FAM168A: variants seen among roughly 807,000 people sequenced by gnomAD.
FAM168A encodes the protein protein FAM168A.
FAM168A carries 3 observed loss-of-function variants against 28.5 expected under a neutral mutation model. The observed-to-expected ratio is 0.11, with a 90% CI of 0.05 to 0.27. FAM168A has a LOEUF of 0.27. Ranked by LOEUF, FAM168A falls within the 10% of genes least tolerant of loss-of-function variation. The pLI is 1.00. For missense variants in FAM168A, 222 were observed against 311.5 expected, an observed-to-expected ratio of 0.71 and a Z score of 2.16; for synonymous variants, 122 against 124.2, an observed-to-expected ratio of 0.98 and a Z score of 0.12.
intron 1 of FAM168A, among the ~76,000 whole-genome samples, chr11:73,544,993 AGT>A (rs1943721400): frequency 1.3e-5 from 1 of 77,892 alleles, no homozygotes; most frequent in Non-Finnish European, 2.2e-5. Flanking sequence ...TTTTATATAT[AGT>A]ATATATAATA....
intron 1 of FAM168A, among the ~76,000 whole-genome samples, chr11:73,587,152 TAAAAAAAAAAA>T (rs1158411875): frequency 0.016 from 1,314 of 81,392 alleles, 33 homozygotes; most frequent in African/African-American, 0.063. Context: ...ATGGACATGT[TAAAAAAAAAAA>T]AAAAAAAAAA....
rs1314511701 is a variant in FAM168A at position 73,530,076 on chromosome 11, C to G, written c.-18-61584G>C. Among the ~76,000 whole-genome samples, 4 of 152,174 alleles carry G rather than the reference C, an allele frequency of 2.6e-5. No homozygotes were observed. In the East Asian group the frequency reaches 7.7e-4, roughly 29 times the overall value. ...TGCCAGGATTACAGGCATGAGCCAC[C>G]ACACCTGGCCCAAACAGTAATTAAT... On this transcript the variant is annotated intron_variant, in intron 1 of 7. Coordinates refer to ENST00000356467, the MANE Select transcript of FAM168A (RefSeq NM_015159.3).
chr11:73,572,106 G>A (rs373528650), intron 1 of FAM168A, among the ~76,000 whole-genome samples: 2 of 151,196 alleles, frequency 1.3e-5, no homozygotes, highest in African/African-American at 2.4e-5. Flanking sequence ...CAGCCACCCC[G>A]TCTGGGAAGT....
At chr11:73,496,230 C>A (rs1346570446) in intron 1 of FAM168A, among the ~76,000 whole-genome samples, 1 of 152,172 alleles carries the variant, frequency 6.6e-6, no homozygotes, top group Non-Finnish European at 1.5e-5. Flanking sequence ...ACGACAAATA[C>A]TGCATGATTC....
chr11:73,434,773 T>C (rs1368103933), intron 2 of FAM168A, among the ~76,000 whole-genome samples: 1 of 152,236 alleles, frequency 6.6e-6, no homozygotes, highest in African/African-American at 2.4e-5. Flanking sequence ...AGGGTCACTC[T>C]GATTGATGTG....
chr11:73,492,582 G>A (rs892455264), intron 1 of FAM168A, among the ~76,000 whole-genome samples: 1 of 152,106 alleles, frequency 6.6e-6, no homozygotes, highest in Non-Finnish European at 1.5e-5. Context: ...TCAAGGCTGC[G>A]GTAAGCCGAG....
chr11:73,522,746 C>T (rs1344992028), intron 1 of FAM168A, among the ~76,000 whole-genome samples: 3 of 151,744 alleles, frequency 2.0e-5, no homozygotes, highest in African/African-American at 2.4e-5. Context: ...GGCATGGTGG[C>T]TCACGCCTGT....
intron 1 of FAM168A, among the ~76,000 whole-genome samples, chr11:73,485,059 T>C (rs1236019957): frequency 2.0e-5 from 3 of 152,138 alleles, no homozygotes; most frequent in South Asian, 4.1e-4. Flanking sequence ...TGGCAACATC[T>C]TCACAGACAT....
At chr11:73,436,956 T>C (rs1193299927) in intron 2 of FAM168A, among the ~76,000 whole-genome samples, 2 of 152,190 alleles carry the variant, frequency 1.3e-5, no homozygotes, top group African/African-American at 4.8e-5. Context: ...GGAAAGGTCA[T>C]GGTTGTGTTA....
intron 1 of FAM168A, among the ~76,000 whole-genome samples, chr11:73,493,198 G>GA (rs1423727992): frequency 3.3e-5 from 5 of 150,012 alleles, no homozygotes; most frequent in South Asian, 2.1e-4. Context: ...ATCACAAAGT[G>GA]AAAAAAAAAG....
chr11:73,490,370 T>C (rs1008482159), intron 1 of FAM168A, among the ~76,000 whole-genome samples: 6 of 152,178 alleles, frequency 3.9e-5, no homozygotes, highest in Non-Finnish European at 8.8e-5. Flanking sequence ...AAAACATAAG[T>C]TAAATCAGGT....
chr11:73,453,257 C>A (rs1670416623), intron 2 of FAM168A, among the ~76,000 whole-genome samples: 1 of 152,214 alleles, frequency 6.6e-6, no homozygotes, highest in African/African-American at 2.4e-5. Flanking sequence ...AACCCATCCA[C>A]TAGAGGAACA....
At chr11:73,458,767 C>T (rs910396991) in intron 2 of FAM168A, among the ~76,000 whole-genome samples, 6 of 152,136 alleles carry the variant, frequency 3.9e-5, no homozygotes, top group Middle Eastern at 6.8e-3. Flanking sequence ...CCTGCTACCA[C>T]GCCCGGCTAA....
chr11:73,470,730 T>C (rs1867802591), intron 1 of FAM168A, among the ~76,000 whole-genome samples: 1 of 152,292 alleles, frequency 6.6e-6, no homozygotes, highest in Admixed American at 6.5e-5. Context: ...AGCCAATACA[T>C]TTCCATTCAT....
At chr11:73,494,713 T>G (rs954828106) in intron 1 of FAM168A, among the ~76,000 whole-genome samples, 3 of 152,092 alleles carry the variant, frequency 2.0e-5, no homozygotes, top group African/African-American at 7.2e-5. Flanking sequence ...GAAAAGGAAG[T>G]ACACTTTTAG....
chr11:73,489,587 T>C (rs1358038722), intron 1 of FAM168A, among the ~76,000 whole-genome samples: 1 of 150,688 alleles, frequency 6.6e-6, no homozygotes, highest in East Asian at 2.0e-4. Flanking sequence ...CACGGCTCAC[T>C]GTATCCTCAA....
In FAM168A at chr11:73,544,550, CAAAT is replaced by C. The variant is rs1349194151; in HGVS notation, c.-19+53369_-19+53372del. Among the ~76,000 whole-genome samples the C allele has an allele frequency of 2.0e-5, 3 of 149,868 alleles. No individual in the cohort carries two copies. In the East Asian group the frequency reaches 5.8e-4, roughly 29 times the overall value. On this transcript the variant is annotated intron_variant, in intron 1 of 7. Coordinates refer to ENST00000356467, the MANE Select transcript of FAM168A (RefSeq NM_015159.3). ...ATCCAAATGTCCATCAACTGATAAA[CAAAT>C]AAAAGGTGGCATATACATATGATGA... is the stretch of plus-strand genomic sequence containing the variant.
In FAM168A at chr11:73,402,282, C is replaced by T. The variant is rs1460425270; in HGVS notation, c.*4481G>A. 6.6e-6 allele frequency: 1 copy of T among 152,234 alleles called. No homozygotes were observed. Among genetic ancestry groups the T allele is most frequent in the African/African-American group, 2.4e-5 (1 of 41,462 alleles). The allele number at this position is 152,234 out of a possible 1,614,324, so 9.4% of individuals were successfully genotyped here. ...TCACAGGGCCCAGAATGGGGCCCACCCCCTCTGGGCACAGAACAAAGCTGA... is the reference window on the plus strand; with the variant it reads ...TCACAGGGCCCAGAATGGGGCCCACTCCCTCTGGGCACAGAACAAAGCTGA... On this transcript the variant is annotated 3_prime_UTR_variant, in exon 8 of 8. Transcript: ENST00000356467.
chr11:73,473,712 C>A (rs905960526), intron 1 of FAM168A, among the ~76,000 whole-genome samples: 2 of 152,140 alleles, frequency 1.3e-5, no homozygotes, highest in African/African-American at 4.8e-5. Flanking sequence ...TCACTTAATT[C>A]AGGTCTCTGT....
Sources: gnomAD v4.1 joint callset for allele counts (sites outside exome capture counted in the v4.1 genomes callset) on GRCh38, gnomAD v4.1.1 for gene constraint, MANE v1.5 for transcripts, NCBI Gene and HGNC (gene_info 2026-07-23, HGNC 2026-07-21) for gene names.